TTLL11: variants seen among roughly 807,000 people sequenced by gnomAD.
TTLL11 encodes tubulin tyrosine ligase like 11, also known as tubulin polyglutamylase TTLL11.
In TTLL11, 42 loss-of-function variants were observed where a neutral mutation model predicts 51.7. The ratio of observed to expected loss-of-function variants is 0.81; its 90% CI spans 0.64 to 1.05. TTLL11 has a LOEUF of 1.05. TTLL11 is among the 50% of genes least tolerant of loss of function. The probability of loss-of-function intolerance (pLI) is 0.00; values close to 1 mark genes in which losing one functional copy is unlikely to be tolerated. For missense variants in TTLL11, 799 were observed against 940.4 expected (o/e 0.85, Z 1.97); for synonymous variants, 381 against 383.5 (o/e 0.99, Z 0.08).
At chr9:121,886,370 A>G (rs1273771157) in intron 6 of TTLL11, among the ~76,000 whole-genome samples, 1 of 152,214 alleles carries the variant, frequency 6.6e-6, no homozygotes, top group Non-Finnish European at 1.5e-5. Context: ...TTCTGGATTT[A>G]GAGAGAGCCC....
chr9:121,882,305 C>A (rs147549444), intron 6 of TTLL11, among the ~76,000 whole-genome samples: 4 of 152,150 alleles, frequency 2.6e-5, no homozygotes, highest in Admixed American at 1.3e-4. Flanking sequence ...CCTGGCAGAG[C>A]GTGACCTAGA....
At chr9:121,976,601 A>G (rs764611464) in intron 4 of TTLL11, among the ~76,000 whole-genome samples, 5 of 152,344 alleles carry the variant, frequency 3.3e-5, no homozygotes, top group Middle Eastern at 3.4e-3. Context: ...AAGATGAGGG[A>G]AATCCATTTA....
At chr9:121,926,238 G>A (rs1490066671) in intron 6 of TTLL11, among the ~76,000 whole-genome samples, 2 of 152,116 alleles carry the variant, frequency 1.3e-5, no homozygotes, top group South Asian at 2.1e-4. Context: ...GGCCCTGGGG[G>A]ACCCTGCGCT....
At chr9:122,013,150 T>A (rs941248424) in intron 3 of TTLL11, among the ~76,000 whole-genome samples, 2 of 152,166 alleles carry the variant, frequency 1.3e-5, no homozygotes, top group African/African-American at 4.8e-5. Flanking sequence ...TCAGAGTAAT[T>A]AACTTACCCG....
intron 1 of TTLL11, among the ~76,000 whole-genome samples, chr9:122,040,196 T>A (rs745864149): frequency 2.0e-4 from 30 of 151,258 alleles, no homozygotes; most frequent in Middle Eastern, 6.8e-3. Context: ...AAGGAGCAGG[T>A]GTGGGAGGGA....
intron 3 of TTLL11, among the ~76,000 whole-genome samples, chr9:122,008,304 T>G (rs1843708128): frequency 1.3e-5 from 2 of 152,166 alleles, no homozygotes; most frequent in African/African-American, 4.8e-5. Flanking sequence ...ACCTATGGAA[T>G]GGGAGAAAAT....
chr9:121,969,428 A>C (rs1441955812), intron 6 of TTLL11, among the ~76,000 whole-genome samples: 2 of 152,046 alleles, frequency 1.3e-5, no homozygotes, highest in Non-Finnish European at 2.9e-5. Context: ...TACAAGACCC[A>C]GAGTTCAGGG....
intron 6 of TTLL11, among the ~76,000 whole-genome samples, chr9:121,938,530 A>G (rs1275945182): frequency 6.6e-6 from 1 of 152,236 alleles, no homozygotes; most frequent in Admixed American, 6.5e-5. Context: ...TGTATAACTC[A>G]TAAAACCATC....
intron 1 of TTLL11, among the ~76,000 whole-genome samples, chr9:122,063,677 A>G (rs998336766): frequency 7.9e-5 from 12 of 152,212 alleles, no homozygotes; most frequent in Non-Finnish European, 1.8e-4. Context: ...AACAACAGAA[A>G]AGCATGCTAA....
At chr9:122,055,679 T>C (rs1845273822) in intron 1 of TTLL11, among the ~76,000 whole-genome samples, 1 of 152,136 alleles carries the variant, frequency 6.6e-6, no homozygotes, top group Non-Finnish European at 1.5e-5. Flanking sequence ...GTCAGATAAA[T>C]AAGGCCTGCA....
In TTLL11 at chr9:121,820,431, G is replaced by T. The variant is rs890566150; in HGVS notation, c.*2156C>A. ...TTTGTTCTGCCAAAGGGGACTGGGA[G>T]AGCTGCATGGGGGCTTCAAACATTG... On this transcript the variant is annotated 3_prime_UTR_variant, in exon 9 of 9. Coordinates refer to ENST00000321582, the MANE Select transcript of TTLL11 (RefSeq NM_001139442.2). 6.6e-6 allele frequency among the ~76,000 whole-genome samples: 1 copy of T among 152,178 alleles called. No homozygotes were observed. Among genetic ancestry groups the T allele is most frequent in the Non-Finnish European group, 1.5e-5 (1 of 68,034 alleles).
At chr9:122,033,303 G>C (rs56405723) in intron 2 of TTLL11, among the ~76,000 whole-genome samples, 6,692 of 152,094 alleles carry the variant, frequency 0.044, 293 homozygotes, top group Admixed American at 0.12. Context: ...AGTAGAGAAG[G>C]GGTTTCACCA....
In TTLL11 at chr9:121,819,368, G is replaced by C. The variant is rs1192901554; in HGVS notation, c.*3219C>G. 1 of 152,364 alleles carries C rather than the reference G, an allele frequency of 6.6e-6. No individual in the cohort carries two copies. Among genetic ancestry groups the C allele is most frequent in the Non-Finnish European group, 1.5e-5 (1 of 68,224 alleles). 9.4% of individuals were successfully genotyped at this position (152,364 alleles called of 1,614,324 possible). A position where few individuals can be genotyped will look rare whatever the true frequency, so the allele number is the denominator to read the frequency against. On this transcript the variant is annotated 3_prime_UTR_variant, in exon 9 of 9. Coordinates refer to ENST00000321582, the MANE Select transcript of TTLL11 (RefSeq NM_001139442.2). Reference sequence around the variant, plus strand: ...CCGGGGCACACCCAAAGAAAGGGTAGGTGGGCCCAGTTCTGTGGGTCTGTC... The same window carrying C: ...CCGGGGCACACCCAAAGAAAGGGTACGTGGGCCCAGTTCTGTGGGTCTGTC...
At chr9:121,930,225 A>G (rs187850317) in intron 6 of TTLL11, among the ~76,000 whole-genome samples, 92 of 152,328 alleles carry the variant, frequency 6.0e-4, no homozygotes, top group African/African-American at 1.9e-3. Flanking sequence ...CATCGGAAAA[A>G]GACTCCCTGT....
At chr9:122,053,177 G>C (rs10985509) in intron 1 of TTLL11, among the ~76,000 whole-genome samples, 33,538 of 152,066 alleles carry the variant, frequency 0.22, 3,949 homozygotes, top group Non-Finnish European at 0.24. Flanking sequence ...CCAGGAGCCG[G>C]GTCGGGGTAG....
rs1836394490 is a variant in TTLL11, at chr9:121,815,961, C to T, written c.*6626G>A. The T allele has an allele frequency of 6.6e-6, 1 of 151,868 alleles. No homozygotes were observed. Among genetic ancestry groups the T allele is most frequent in the Admixed American group, 6.6e-5 (1 of 15,144 alleles). The allele number at this position is 151,868 out of a possible 1,614,324, so 9.4% of individuals were successfully genotyped here. A position where few individuals can be genotyped will look rare whatever the true frequency, so the allele number is the denominator to read the frequency against. ...GTGGGCAGACGTATTTCCTGGCATC[C>T]GTCTTGTTTCCGCACGTCGAGACCC... On this transcript the variant is annotated 3_prime_UTR_variant, in exon 9 of 9. Coordinates refer to ENST00000321582, the MANE Select transcript of TTLL11 (RefSeq NM_001139442.2).
At chr9:121,892,583 C>T (rs575789421) in intron 6 of TTLL11, among the ~76,000 whole-genome samples, 8 of 152,248 alleles carry the variant, frequency 5.3e-5, no homozygotes, top group Admixed American at 5.2e-4. Flanking sequence ...ATTATGGGAG[C>T]TACAATTCAA....
chr9:121,879,441 T>C (rs1838691961), intron 6 of TTLL11, among the ~76,000 whole-genome samples: 1 of 152,172 alleles, frequency 6.6e-6, no homozygotes, highest in Non-Finnish European at 1.5e-5. Context: ...ACACCCTCCT[T>C]CTCTATTGAG....
At chr9:121,971,818 T>G (rs1270846265) in intron 6 of TTLL11, among the ~76,000 whole-genome samples, 1 of 148,182 alleles carries the variant, frequency 6.7e-6, no homozygotes, top group East Asian at 2.0e-4. Flanking sequence ...AAGAATGAGT[T>G]CATGTCCTTT....
Sources: allele counts gnomAD v4.1 joint callset (sites outside exome capture counted in the v4.1 genomes callset), GRCh38; gene constraint gnomAD v4.1.1; transcripts MANE v1.5; gene names NCBI Gene and HGNC (gene_info 2026-07-23, HGNC 2026-07-21).